The following SEC14L5 variants were observed in gnomAD, a reference collection of about 807,000 sequenced individuals.
The protein encoded by SEC14L5 is SEC14 like lipid binding 5.
In SEC14L5, 96 loss-of-function variants were observed where a neutral mutation model predicts 84.6. The ratio of observed to expected loss-of-function variants is 1.13; its 90% confidence interval spans 0.96 to 1.34. The LOEUF is 1.34. Among genes scored for constraint, SEC14L5 ranks in the 40% most tolerant of loss-of-function variants. The pLI, the probability that SEC14L5 is intolerant of heterozygous loss-of-function variation, is 0.00. For missense variants in SEC14L5, 1,224 were observed against 942.5 expected (o/e 1.30, Z -3.91); for synonymous variants, 546 against 383.4 (o/e 1.42, Z -4.95).
intron 2 of SEC14L5, 44 bp from the exon 3 acceptor site, chr16:4,987,513 T>G: frequency 1.5e-5 from 19 of 1,293,930 alleles, no homozygotes; most frequent in East Asian, 2.8e-5. Context: ...GGGGGGTCCC[T>G]CTGCCCCCCC....
At position 5,003,495 on chromosome 16, in the gene SEC14L5, T is replaced by C; in HGVS notation, c.1224T>C (p.Val408=). The change falls in exon 11 of 16, where the codon GTT becomes GTC. Residue 408 remains valine, a synonymous_variant. Transcript: ENST00000251170. ...VKALLRMIEV[V]EDNYPETLGR... ...CCCTGCTGCGGATGATTGAGGTGGT[T>C]GAGGACAATTACCCAGAGACCCTGG... is the stretch of plus-strand genomic sequence containing the variant. 1 of 1,612,994 alleles carries C rather than the reference T, an allele frequency of 6.2e-7. No homozygotes were observed. The highest frequency in any genetic ancestry group is 8.5e-7 in the Non-Finnish European group (1 of 1,179,634).
At chr16:5,003,778 C>G (rs1026272381) in intron 11 of SEC14L5, among the ~76,000 whole-genome samples, 8 of 152,262 alleles carry the variant, frequency 5.3e-5, no homozygotes, top group Admixed American at 5.2e-4. Flanking sequence ...GCAATTGTCA[C>G]CACTAGCCAA....
rs117153407 is a variant in SEC14L5, at chr16:5,014,892, C to T, written c.2013C>T (p.Ser671=). 2,671 of 1,613,642 alleles carry T rather than the reference C, an allele frequency of 1.7e-3. 51 individuals carry two copies. The East Asian group carries it at 0.047, about 28-fold the overall frequency. ...TGTCCAGCCTGGAATCCTGCACCAG[C>T]GGCTTCTCCCAGCTCAGCGCCGCCA... ...GSMSSLESCT[S]GFSQLSAATS... is the part of the protein sequence containing the mutation. Residue 671 remains serine (S), a synonymous_variant, in exon 16 of 16, where the codon AGC becomes AGT. Coordinates refer to ENST00000251170, the MANE Select transcript of SEC14L5 (RefSeq NM_014692.2).
intron 2 of SEC14L5, among the ~76,000 whole-genome samples, chr16:4,974,349 G>A (rs969982400): frequency 1.7e-4 from 26 of 151,952 alleles, no homozygotes; most frequent in African/African-American, 5.8e-4. Flanking sequence ...CCACAGGCAC[G>A]CACCATCATG....
intron 8 of SEC14L5, 22 bp from the exon 9 acceptor site, chr16:5,000,633 C>G (rs1338500115): frequency 1.3e-6 from 2 of 1,535,442 alleles, no homozygotes; most frequent in Non-Finnish European, 1.8e-6. Flanking sequence ...GCTCTTCTTT[C>G]TGCTTGGCCC....
At chr16:5,003,238 A>G (rs1459701473) in intron 10 of SEC14L5, among the ~76,000 whole-genome samples, 164 bp from the exon 11 acceptor site, 1 of 152,242 alleles carries the variant, frequency 6.6e-6, no homozygotes. Context: ...CCTGAAGTCC[A>G]CAGTCTGATC....
chr16:4,961,342 T>A (rs1168960269), intron 2 of SEC14L5, among the ~76,000 whole-genome samples: 1 of 152,164 alleles, frequency 6.6e-6, no homozygotes, highest in Non-Finnish European at 1.5e-5. Context: ...TTCTTTTACT[T>A]TTTCCAGACT....
chr16:4,990,633 C>T (rs2142506186), intron 4 of SEC14L5, 134 bp from the exon 5 acceptor site: 1 of 797,932 alleles, frequency 1.3e-6, no homozygotes, highest in Admixed American at 3.5e-5. Context: ...TCCTGCTACC[C>T]CATCCAGGGT....
chr16:4,992,407 C>T (rs939683165), intron 6 of SEC14L5, among the ~76,000 whole-genome samples: 38 of 152,316 alleles, frequency 2.5e-4, no homozygotes, highest in African/African-American at 8.4e-4. Context: ...TCTGCCACCA[C>T]ACCCGGCCAA....
chr16:4,991,799 G>T (rs1182311713), intron 5 of SEC14L5, 39 bp from the exon 6 acceptor site: 1 of 1,463,996 alleles, frequency 6.8e-7, no homozygotes, highest in African/African-American at 1.4e-5. Context: ...CCTCCATCCT[G>T]CCCCGTGCTC....
rs1039553914 is a variant in SEC14L5, at chr16:5,000,890, T to A, written c.1095T>A (p.Cys365Ter). ...LSVNEEGQKRCEGSTRQLGRP... is the reference protein window; with the variant it reads ...LSVNEEGQKR ...TCAACGAGGAAGGACAGAAGCGGTG[T>A]GAGGGGAGCACAAGGCAGCTGGGCC... The change falls in exon 10 of 16, where the codon TGT becomes TGA. Residue 365 changes from cysteine to a stop codon, truncating the protein, a stop_gained. Transcript: ENST00000251170. LOFTEE classifies it high-confidence loss of function. 1.2e-6 allele frequency: 2 copies of A among 1,609,330 alleles called. No homozygotes were observed. Among genetic ancestry groups the A allele is most frequent in the Non-Finnish European group, 1.7e-6 (2 of 1,178,008 alleles).
chr16:4,979,617 C>T (rs1462865406), intron 2 of SEC14L5, among the ~76,000 whole-genome samples: 2 of 152,166 alleles, frequency 1.3e-5, no homozygotes, highest in African/African-American at 4.8e-5. Context: ...ACCAGCCACC[C>T]GCTATAAACA....
intron 2 of SEC14L5, among the ~76,000 whole-genome samples, chr16:4,972,241 G>A (rs972634308): frequency 6.6e-6 from 1 of 152,098 alleles, no homozygotes; most frequent in Non-Finnish European, 1.5e-5. Flanking sequence ...GGCTTCAAGT[G>A]ATCCTCTTGC....
Position 5,011,254 on chromosome 16 carries a change from C to G in SEC14L5, c.1960C>G (p.Leu654Val). 1 of 1,613,754 alleles carries G rather than the reference C, an allele frequency of 6.2e-7. No individual in the cohort carries two copies. ...KCKLLYYCEV[L>V]ASEDFRGSMS... is the part of the protein sequence containing the mutation. ...CAAACTTCTCTACTACTGTGAGGTG[C>G]TCGCCTCTGAGGACTTCAGGTAGGA... The change falls in exon 15 of 16, where the codon CTC becomes GTC. Residue 654 changes from leucine to valine, a missense_variant. Coordinates refer to ENST00000251170, the MANE Select transcript of SEC14L5 (RefSeq NM_014692.2).
chr16:4,961,422 A>G (rs1955120152), intron 2 of SEC14L5, among the ~76,000 whole-genome samples: 1 of 152,174 alleles, frequency 6.6e-6, no homozygotes, highest in Non-Finnish European at 1.5e-5. Flanking sequence ...TCTGCCTCCC[A>G]GGTTCAAGCC....
At position 5,006,106 on chromosome 16, in the gene SEC14L5, G is replaced by A. The variant is rs928724571; in HGVS notation, c.1437+58G>A. Reference sequence around the variant, plus strand: ...CTTGAGGAGGGGGCATGCCTAGCTGGGAGGCTGGGATTCCCGGAGTGGGGC... The same window carrying A: ...CTTGAGGAGGGGGCATGCCTAGCTGAGAGGCTGGGATTCCCGGAGTGGGGC... On this transcript the variant is annotated intron_variant, in intron 12 of 15. Coordinates refer to ENST00000251170, the MANE Select transcript of SEC14L5 (RefSeq NM_014692.2). 4.4e-6 allele frequency: 7 copies of A among 1,584,816 alleles called. No homozygotes were observed. The East Asian group carries it at 1.3e-4, about 31-fold the overall frequency.
intron 2 of SEC14L5, among the ~76,000 whole-genome samples, chr16:4,969,076 C>G (rs1955241301): frequency 6.6e-6 from 1 of 152,250 alleles, no homozygotes; most frequent in African/African-American, 2.4e-5. Context: ...TGGAGCCTGT[C>G]ATCTGATCCT....
chr16:5,000,634 T>C, intron 8 of SEC14L5, 21 bp from the exon 9 acceptor site: 6 of 1,539,068 alleles, frequency 3.9e-6, no homozygotes, highest in Non-Finnish European at 5.3e-6. Context: ...CTCTTCTTTC[T>C]GCTTGGCCCC....
chr16:4,962,834 C>T (rs144886841), intron 2 of SEC14L5, among the ~76,000 whole-genome samples: 11 of 152,324 alleles, frequency 7.2e-5, no homozygotes, highest in African/African-American at 1.4e-4. Flanking sequence ...AGCAACACTG[C>T]CAACAAAGCC....
Sources: allele counts gnomAD v4.1 joint callset (sites outside exome capture counted in the v4.1 genomes callset), GRCh38; gene constraint gnomAD v4.1.1; transcripts MANE v1.5; gene names NCBI Gene and HGNC (gene_info 2026-07-23, HGNC 2026-07-21).